Variants in SLC25A36 observed in about 807,000 individuals in gnomAD.
SLC25A36 encodes epididymis secretory sperm binding protein.
A neutral mutation model predicts 35.3 loss-of-function variants in SLC25A36; 24 were observed. The observed-to-expected ratio is 0.68, with a 90% CI of 0.49 to 0.96. The LOEUF is 0.96. Ranked by LOEUF, SLC25A36 falls within the 40% of genes least tolerant of loss-of-function variation. The pLI is 0.00. For missense variants in SLC25A36, 294 were observed against 381.1 expected (o/e 0.77, Z 1.90); for synonymous variants, 141 against 132.2 (o/e 1.07, Z -0.46).
intron 1 of SLC25A36, among the ~76,000 whole-genome samples, chr3:140,951,598 C>T (rs987813007): frequency 1.5e-4 from 23 of 152,094 alleles, no homozygotes; most frequent in African/African-American, 5.3e-4. Flanking sequence ...GTCCTCCCAC[C>T]TCAGACTCCC....
chr3:140,954,917 G>A (rs1379873699), intron 1 of SLC25A36, among the ~76,000 whole-genome samples: 20 of 152,060 alleles, frequency 1.3e-4, no homozygotes, highest in Non-Finnish European at 4.4e-5. Flanking sequence ...TGTGCCTAAC[G>A]CAAAGTTAAA....
intron 1 of SLC25A36, among the ~76,000 whole-genome samples, chr3:140,954,491 T>C (rs1934423868): frequency 6.6e-6 from 1 of 152,222 alleles, no homozygotes; most frequent in Non-Finnish European, 1.5e-5. Flanking sequence ...CCTGTACCAT[T>C]TTTAATTCCC....
chr3:140,976,447 T>C lies in SLC25A36; in HGVS notation c.930T>C (p.Asn310=). 1 of 1,610,836 alleles carries C rather than the reference T, an allele frequency of 6.2e-7. No homozygotes were observed. ...ATGAATTGGTGGTTTACCTACTCAA[T>C]GGATAGCAGCACGAGGACTGCTGTA... ...ATYELVVYLL[N]G is the part of the protein sequence containing the mutation. The change falls in exon 7 of 7, where the codon AAT becomes AAC. Residue 310 remains asparagine, a synonymous_variant. Transcript: ENST00000324194.
intron 4 of SLC25A36, chr3:140,964,152 A>G (rs1371610945): frequency 6.6e-6 from 1 of 151,988 alleles, no homozygotes. Context: ...TAAACTGTTA[A>G]ACACTTTTGG....
intron 1 of SLC25A36, among the ~76,000 whole-genome samples, chr3:140,951,262 T>C (rs1250528515): frequency 2.0e-5 from 3 of 152,198 alleles, no homozygotes; most frequent in Non-Finnish European, 4.4e-5. Flanking sequence ...ATAAATCTAA[T>C]GTAGTTCATC....
At chr3:140,969,706 T>TA (rs1249765565) in intron 4 of SLC25A36, among the ~76,000 whole-genome samples, 1 of 151,846 alleles carries the variant, frequency 6.6e-6, no homozygotes, top group Non-Finnish European at 1.5e-5. Flanking sequence ...CATATGTAGA[T>TA]ACACCTTTGA....
intron 1 of SLC25A36, among the ~76,000 whole-genome samples, chr3:140,943,074 C>T (rs1934062291): frequency 6.6e-6 from 1 of 152,096 alleles, no homozygotes; most frequent in South Asian, 2.1e-4. Context: ...CCAGTTTAGC[C>T]TCCTGTTTAG....
chr3:140,955,593 C>T (rs1934458599), intron 1 of SLC25A36, among the ~76,000 whole-genome samples: 1 of 152,188 alleles, frequency 6.6e-6, no homozygotes, highest in Admixed American at 6.5e-5. Context: ...TTCTGGTGAT[C>T]AGTCCTTTTA....
At chr3:140,951,804 T>A (rs1487950189) in intron 1 of SLC25A36, among the ~76,000 whole-genome samples, 1 of 151,890 alleles carries the variant, frequency 6.6e-6, no homozygotes, top group Non-Finnish European at 1.5e-5. Flanking sequence ...CTTATTTTTT[T>A]GTTGTTTTTT....
chr3:140,943,365 A>G (rs540247634), intron 1 of SLC25A36, among the ~76,000 whole-genome samples: 3 of 152,330 alleles, frequency 2.0e-5, no homozygotes, highest in South Asian at 2.1e-4. Context: ...TTCATCAACA[A>G]ATATTTGTTG....
intron 1 of SLC25A36, among the ~76,000 whole-genome samples, chr3:140,950,055 G>A (rs1455522641): frequency 6.6e-6 from 1 of 152,050 alleles, no homozygotes; most frequent in Non-Finnish European, 1.5e-5. Context: ...TGAGGATTTA[G>A]TTATATTGTA....
chr3:140,953,825 C>T (rs1366913857), intron 1 of SLC25A36, among the ~76,000 whole-genome samples: 2 of 152,138 alleles, frequency 1.3e-5, no homozygotes, highest in African/African-American at 4.8e-5. Flanking sequence ...AAAAATTTAG[C>T]TGTGCATGGT....
At chr3:140,944,214 C>A (rs532163663) in intron 1 of SLC25A36, among the ~76,000 whole-genome samples, 1 of 152,100 alleles carries the variant, frequency 6.6e-6, no homozygotes, top group South Asian at 2.1e-4. Flanking sequence ...GAATATGGAG[C>A]CTTTAAGTTG....
chr3:140,963,016 A>G (rs1934669418), intron 3 of SLC25A36, 111 bp from the exon 4 acceptor site: 1 of 598,514 alleles, frequency 1.7e-6, no homozygotes, highest in East Asian at 3.3e-5. Flanking sequence ...GAATGTGGCT[A>G]GGACTTTATG....
intron 4 of SLC25A36, among the ~76,000 whole-genome samples, chr3:140,969,419 A>G (rs1184364103): frequency 6.6e-6 from 1 of 151,926 alleles, no homozygotes; most frequent in African/African-American, 2.4e-5. Context: ...CTAGTTTTAT[A>G]CTTACATATG....
At chr3:140,963,468 C>A in intron 4 of SLC25A36, 1 of 315,174 alleles carries the variant, frequency 3.2e-6, no homozygotes, top group Non-Finnish European at 5.7e-6. Flanking sequence ...CTTGTGTAGT[C>A]CACTGAATGT....
chr3:140,970,608 G>GT (rs1210375189), intron 4 of SLC25A36: 11 of 166,258 alleles, frequency 6.6e-5, no homozygotes, highest in African/African-American at 2.4e-4. Flanking sequence ...AAATGTCTAT[G>GT]TGTTTGTAGA....
chr3:140,963,033 A>T (rs573125294), intron 3 of SLC25A36, 94 bp from the exon 4 acceptor site: 2 of 747,636 alleles, frequency 2.7e-6, no homozygotes, highest in Non-Finnish European at 4.0e-6. Flanking sequence ...TATGGTTTTT[A>T]AATTTCTCCA....
At chr3:140,948,835 T>C (rs879697796) in intron 1 of SLC25A36, among the ~76,000 whole-genome samples, 1 of 152,232 alleles carries the variant, frequency 6.6e-6, no homozygotes, top group Admixed American at 6.5e-5. Context: ...CTTAGGACTA[T>C]CCAGTCAATG....
Sources: gnomAD v4.1 joint callset for allele counts (sites outside exome capture counted in the v4.1 genomes callset) on GRCh38, gnomAD v4.1.1 for gene constraint, MANE v1.5 for transcripts, NCBI Gene and HGNC (gene_info 2026-07-23, HGNC 2026-07-21) for gene names.